VDAC3: variants seen among roughly 807,000 people sequenced by gnomAD.
VDAC3 encodes the protein voltage dependent anion channel 3.
A neutral mutation model predicts 33.9 loss-of-function variants in VDAC3; 7 were observed. The observed-to-expected ratio is 0.21, with a 90% CI of 0.12 to 0.39. VDAC3 has a LOEUF of 0.39. Among genes scored for constraint, VDAC3 ranks in the 10% least tolerant of loss-of-function variants. The pLI is 1.00. For synonymous variants in VDAC3, 100 were observed against 122.4 expected, an observed-to-expected ratio of 0.82 and a Z score of 1.21; for missense variants, 261 against 334.5, an observed-to-expected ratio of 0.78 and a Z score of 1.71.
intron 9 of VDAC3, 32 bp downstream of exon 9, chr8:42,404,956 A>T (rs769776826): frequency 1.3e-6 from 2 of 1,591,734 alleles, no homozygotes; most frequent in South Asian, 2.2e-5. Flanking sequence ...AGAGGGGTTG[A>T]GGTGGAAGGT....
chr8:42,402,121 A>C lies in VDAC3; in HGVS notation c.551+106A>C, dbSNP rs1802425510. 12 of 1,211,640 alleles carry C rather than the reference A, an allele frequency of 9.9e-6. No homozygotes were observed. The South Asian group carries it at 1.7e-4, about 17-fold the overall frequency. 75.1% of individuals were successfully genotyped at this position (1,211,640 alleles called of 1,614,324 possible). ...TACTCAGATTTAGCATGCCTTGGTG[A>C]ATATCCATCCTTGCGGTGCTATCCT... On this transcript the variant is annotated intron_variant, in intron 7 of 9. Coordinates refer to ENST00000022615, the MANE Select transcript of VDAC3 (RefSeq NM_005662.7).
At chr8:42,399,835 A>G in intron 6 of VDAC3, 132 bp downstream of exon 6, 1 of 741,354 alleles carries the variant, frequency 1.3e-6, no homozygotes, top group Non-Finnish European at 2.2e-6. Flanking sequence ...AATATTGGAG[A>G]CCTTGTATAG....
At chr8:42,399,767 A>G (rs2130888907) in intron 6 of VDAC3, 64 bp downstream of exon 6, 5 of 1,479,670 alleles carry the variant, frequency 3.4e-6, no homozygotes, top group Non-Finnish European at 4.7e-6. Context: ...GAGCTTTAGA[A>G]TAAGGAGATA....
chr8:42,396,413 A>G (rs1217546329), intron 4 of VDAC3, among the ~76,000 whole-genome samples: 1 of 152,224 alleles, frequency 6.6e-6, no homozygotes, highest in Admixed American at 6.5e-5. Context: ...TTAGAAGGAC[A>G]AAGACATGTG....
In VDAC3 at chr8:42,403,407, C is replaced by CACCCG; in HGVS notation, c.649_653dup (p.Phe219ProfsTer21). ...TTGCTTGGACAGCTGGGAGTAACAA[C>CACCCG]ACCCGTTTTGGCATTGCTGCTAAGT... is the stretch of plus-strand genomic sequence containing the variant. On this transcript the variant is annotated frameshift_variant, in exon 8 of 10. Transcript: ENST00000022615. LOFTEE classifies it high-confidence loss of function. The CACCCG allele has an allele frequency of 6.2e-7, 1 of 1,610,798 alleles. No individual in the cohort carries two copies. The highest frequency in any genetic ancestry group is 8.5e-7 in the Non-Finnish European group (1 of 1,179,008).
chr8:42,403,572 G>T (rs1802452134), intron 8 of VDAC3, 111 bp downstream of exon 8: 1 of 1,193,812 alleles, frequency 8.4e-7, no homozygotes, highest in Non-Finnish European at 1.2e-6. Flanking sequence ...TAATAAGCCA[G>T]CTCATTGTGT....
At chr8:42,399,777 A>G in intron 6 of VDAC3, 74 bp downstream of exon 6, 2 of 1,432,266 alleles carry the variant, frequency 1.4e-6, no homozygotes, top group Non-Finnish European at 2.0e-6. Context: ...ATAAGGAGAT[A>G]TAGTGCAAAG....
intron 7 of VDAC3, 98 bp from the exon 8 acceptor site, chr8:42,403,213 T>A: frequency 7.0e-7 from 1 of 1,424,382 alleles, no homozygotes; most frequent in Non-Finnish European, 9.6e-7. Context: ...AGTTACAAAA[T>A]GGGATCCTTG....
rs377253504 is a variant in VDAC3, at chr8:42,404,166, C to T, written c.703-701C>T. 5.9e-5 allele frequency among the ~76,000 whole-genome samples: 9 copies of T among 152,246 alleles called. No individual in the cohort carries two copies. The East Asian group carries it at 9.6e-4, about 16-fold the overall frequency. On this transcript the variant is annotated intron_variant, in intron 8 of 9. Transcript: ENST00000022615. The stretch of plus-strand genomic sequence containing the variant: ...TGTGGCGATTAGTGTTATCCTCATC[C>T]CTGTTTTACAGATGAGAAAACTGAG...
chr8:42,399,549 C>CT (rs917872225), intron 5 of VDAC3, 102 bp from the exon 6 acceptor site: 248 of 1,114,802 alleles, frequency 2.2e-4, no homozygotes, highest in Middle Eastern at 2.9e-4. Context: ...TGAATGACTC[C>CT]TTTTTTTTGT....
chr8:42,405,344 G>T (rs749919211), intron 9 of VDAC3, 27 bp from the exon 10 acceptor site: 26 of 1,565,102 alleles, frequency 1.7e-5, no homozygotes, highest in Non-Finnish European at 2.3e-5. Flanking sequence ...CTTGTTTCAA[G>T]TGATTGTGGT....
intron 1 of VDAC3, 139 bp downstream of exon 1, chr8:42,392,067 C>T (rs980686110): frequency 3.3e-5 from 5 of 152,138 alleles, no homozygotes; most frequent in Non-Finnish European, 5.9e-5. Context: ...GGGCCGGGGC[C>T]GCTCGCTCCC....
chr8:42,404,956 A>C (rs769776826), intron 9 of VDAC3, 32 bp downstream of exon 9: 2 of 1,591,734 alleles, frequency 1.3e-6, no homozygotes, highest in Non-Finnish European at 8.6e-7. Context: ...AGAGGGGTTG[A>C]GGTGGAAGGT....
intron 4 of VDAC3, chr8:42,396,697 T>A (rs1329744099): frequency 1.4e-6 from 1 of 689,698 alleles, no homozygotes; most frequent in African/African-American, 1.8e-5. Context: ...AAAAAAAGCT[T>A]ATTCGTATGC....
rs1238564764 is a variant in VDAC3 at position 42,398,828 on chromosome 8, C to T, written c.234C>T (p.Asp78=). ...GLTFTQKWNT[D]NTLGTEISWE... is the part of the protein sequence containing the mutation. The stretch of plus-strand genomic sequence containing the variant: ...CCTTCACCCAGAAATGGAACACAGA[C>T]AATACTCTAGGGACAGAAATCTCTT... Residue 78 remains aspartate (D), a synonymous_variant, in exon 5 of 10, where the codon GAC becomes GAT. Transcript: ENST00000022615. 1.2e-6 allele frequency: 2 copies of T among 1,613,864 alleles called. No individual in the cohort carries two copies. Among genetic ancestry groups the T allele is most frequent in the Non-Finnish European group, 1.7e-6 (2 of 1,179,950 alleles).
At position 42,399,652 on chromosome 8, in the gene VDAC3, T is replaced by C. The variant is rs2130888816; in HGVS notation, c.272T>C (p.Leu91Ser). The C allele has an allele frequency of 6.2e-7, 1 of 1,609,434 alleles. No individual in the cohort carries two copies. The highest frequency in any genetic ancestry group is 2.2e-5 in the East Asian group (1 of 44,780). ...LGTEISWENKLAEGLKLTLDT... is the reference protein window; with the variant it reads ...LGTEISWENKSAEGLKLTLDT... The stretch of plus-strand genomic sequence containing the variant: ...TTATTTTAAATCTTTGTTTTTCAGT[T>C]GGCTGAAGGGTTGAAACTGACTCTT... The change falls in exon 6 of 10, where the codon TTG (leucine) becomes TCG (serine). Residue 91 changes from leucine to serine, a missense_variant and splice_region_variant. Physicochemically the swap from Leu to Ser is moderately radical, Grantham distance 145 (BLOSUM62 -2). Coordinates refer to ENST00000022615, the MANE Select transcript of VDAC3 (RefSeq NM_005662.7).
chr8:42,401,203 T>C (rs1014731696), intron 6 of VDAC3, among the ~76,000 whole-genome samples: 1 of 151,784 alleles, frequency 6.6e-6, no homozygotes, highest in African/African-American at 2.4e-5. Context: ...TTATTCATTC[T>C]TTTTTTTTCT....
In VDAC3 at chr8:42,394,245, A is replaced by G. The variant is rs1563420496; in HGVS notation, c.34A>G (p.Lys12Glu). The stretch of plus-strand genomic sequence containing the variant: ...CACACCAACGTACTGTGACCTAGGA[A>G]AGGCTGCTAAGGATGTCTTCAACAA... ...CNTPTYCDLG[K>E]AAKDVFNKGY... Residue 12 changes from lysine (K) to glutamate (E), a missense_variant, in exon 3 of 10, where the codon AAG becomes GAG. Lys to Glu is a moderately conservative substitution (Grantham distance 56, BLOSUM62 1). Coordinates refer to ENST00000022615, the MANE Select transcript of VDAC3 (RefSeq NM_005662.7). 6.2e-7 allele frequency: 1 copy of G among 1,613,754 alleles called. No homozygotes were observed. The highest frequency in any genetic ancestry group is 8.5e-7 in the Non-Finnish European group (1 of 1,179,780).
Position 42,398,865 on chromosome 8 carries a change from G to GT in VDAC3, c.270+2dup. On this transcript the variant is annotated splice_donor_variant, in intron 5 of 9. Coordinates refer to ENST00000022615, the MANE Select transcript of VDAC3 (RefSeq NM_005662.7). LOFTEE classifies it high-confidence loss of function. ...GACAGAAATCTCTTGGGAGAATAAG[G>GT]TAAGAGAACGCATTAGAAGTTATTC... 1 of 1,613,240 alleles carries GT rather than the reference G, an allele frequency of 6.2e-7. No individual in the cohort carries two copies. The highest frequency in any genetic ancestry group is 8.5e-7 in the Non-Finnish European group (1 of 1,179,802).
Sources: allele counts gnomAD v4.1 joint callset (sites outside exome capture counted in the v4.1 genomes callset), GRCh38; gene constraint gnomAD v4.1.1; transcripts MANE v1.5; gene names NCBI Gene and HGNC (gene_info 2026-07-23, HGNC 2026-07-21).